Variants in PTK2 observed in about 807,000 individuals in gnomAD.
The protein encoded by PTK2 is protein tyrosine kinase 2.
PTK2 carries 45 observed loss-of-function variants against 150.1 expected under a neutral mutation model. The observed-to-expected ratio is 0.30, with a 90% CI of 0.24 to 0.38. PTK2 has a LOEUF of 0.38. Ranked by LOEUF, PTK2 falls within the 10% of genes least tolerant of loss-of-function variation. The pLI is 1.00. For synonymous variants in PTK2, 432 were observed against 449.2 expected (o/e 0.96, Z 0.48); for missense variants, 919 against 1,307.3 (o/e 0.70, Z 4.58).
intron 12 of PTK2, chr8:140,799,176 G>A (rs988472802): frequency 1.3e-5 from 2 of 152,126 alleles, no homozygotes; most frequent in Admixed American, 1.3e-4. Context: ...TAAATAAAGG[G>A]TCCAATGACT....
At chr8:140,744,042 G>C (rs2100057263) in intron 19 of PTK2, among the ~76,000 whole-genome samples, 1 of 142,034 alleles carries the variant, frequency 7.0e-6, no homozygotes, top group Non-Finnish European at 1.5e-5. Context: ...CTCCCAAAGT[G>C]CTGGGACTAC....
chr8:140,759,044 T>C (rs1666712375), intron 16 of PTK2, among the ~76,000 whole-genome samples: 1 of 152,236 alleles, frequency 6.6e-6, no homozygotes. Flanking sequence ...AGATGTGTAG[T>C]AGGCTAGACC....
At chr8:140,990,022 A>G (rs1245818466) in intron 1 of PTK2, among the ~76,000 whole-genome samples, 1 of 152,154 alleles carries the variant, frequency 6.6e-6, no homozygotes, top group Non-Finnish European at 1.5e-5. Flanking sequence ...GACAGGTTAT[A>G]AGAGCAGAGA....
intron 1 of PTK2, chr8:140,927,280 C>T (rs2100169820): frequency 6.6e-6 from 1 of 152,178 alleles, no homozygotes; most frequent in African/African-American, 2.4e-5. Flanking sequence ...ACACATGCAA[C>T]TTATTTCATC....
At chr8:140,669,301 G>GTGCATATATATA (rs1554641612) in intron 29 of PTK2, 5 of 97,984 alleles carry the variant, frequency 5.1e-5, no homozygotes, top group African/African-American at 2.3e-4. Flanking sequence ...GCATAAAATG[G>GTGCATATATATA]TATATATATA....
At chr8:140,675,463 G>T in exon 28 of PTK2, 1 of 1,612,530 alleles carries the variant, frequency 6.2e-7, no homozygotes, top group South Asian at 1.1e-5. Flanking sequence ...TCTTTACCTG[G>T]TTTACCCACA....
rs928863547 is a variant in PTK2 at position 140,941,999 on chromosome 8, C to T, written c.-121-16250G>A. 5.3e-5 allele frequency among the ~76,000 whole-genome samples: 8 copies of T among 152,118 alleles called. 1 individual carries two copies. The highest frequency in any genetic ancestry group is 3.9e-4 in the Admixed American group (6 of 15,264). On this transcript the variant is annotated intron_variant, in intron 1 of 31. Coordinates refer to ENST00000522684, the Ensembl canonical transcript of PTK2. ...ACCACCCCCAGGTTCAAGCAATTCT[C>T]CCGCCTCAGCCTCCCGAGTAGCTGG... is the stretch of plus-strand genomic sequence containing the variant.
intron 2 of PTK2, among the ~76,000 whole-genome samples, chr8:140,903,526 C>A (rs993097762): frequency 6.6e-6 from 1 of 152,064 alleles, no homozygotes; most frequent in Non-Finnish European, 1.5e-5. Context: ...GTAGTTTTTT[C>A]TAATTCTGTG....
intron 2 of PTK2, among the ~76,000 whole-genome samples, chr8:140,911,712 G>A (rs1445554234): frequency 1.3e-5 from 2 of 149,088 alleles, no homozygotes; most frequent in African/African-American, 2.4e-5. Flanking sequence ...CTACCCCACC[G>A]AAAGGGCTAC....
chr8:140,810,264 T>C (rs2100100642), intron 10 of PTK2, among the ~76,000 whole-genome samples: 1 of 152,190 alleles, frequency 6.6e-6, no homozygotes, highest in Admixed American at 6.5e-5. Flanking sequence ...TGCAGGAGCG[T>C]CTGTAGTGGA....
intron 1 of PTK2, among the ~76,000 whole-genome samples, chr8:140,984,370 C>T (rs1329994335): frequency 6.6e-6 from 1 of 152,122 alleles, no homozygotes; most frequent in Non-Finnish European, 1.5e-5. Context: ...TTGCAACCCA[C>T]ACTTTGAAAA....
intron 14 of PTK2, among the ~76,000 whole-genome samples, chr8:140,766,029 C>T (rs1293244090): frequency 1.3e-5 from 2 of 152,190 alleles, no homozygotes; most frequent in Admixed American, 6.5e-5. Context: ...ATATAAAGCA[C>T]GTGCCTTTAG....
chr8:140,666,404 C>T (rs1465044100), intron 30 of PTK2, among the ~76,000 whole-genome samples: 1 of 150,828 alleles, frequency 6.6e-6, no homozygotes, highest in African/African-American at 2.4e-5. Flanking sequence ...AACTCAACAA[C>T]AAAATACAGT....
At chr8:140,819,016 T>C in exon 9 of PTK2, 1 of 1,611,488 alleles carries the variant, frequency 6.2e-7, no homozygotes. Context: ...TCTTAGTGTT[T>C]TGGCCTGCAT....
At chr8:140,714,327 T>A (rs1419992727) in intron 23 of PTK2, among the ~76,000 whole-genome samples, 1 of 152,142 alleles carries the variant, frequency 6.6e-6, no homozygotes, top group Non-Finnish European at 1.5e-5. Flanking sequence ...ACAAAATTTA[T>A]CTACAGAAGC....
chr8:140,892,537 TC>T, intron 2 of PTK2: 1 of 404,866 alleles, frequency 2.5e-6, no homozygotes, highest in South Asian at 1.8e-5. Context: ...CCCTGTCAAC[TC>T]CCCACTATCT....
intron 26 of PTK2, among the ~76,000 whole-genome samples, chr8:140,689,709 A>G (rs910513847): frequency 1.3e-5 from 2 of 152,228 alleles, no homozygotes; most frequent in Non-Finnish European, 2.9e-5. Context: ...AAATATGCAA[A>G]GCAAATGAGG....
chr8:140,877,426 C>G (rs1422656450), intron 4 of PTK2, among the ~76,000 whole-genome samples: 1 of 152,122 alleles, frequency 6.6e-6, no homozygotes, highest in African/African-American at 2.4e-5. Flanking sequence ...ATTTTTAAAA[C>G]CTGTACTATG....
At chr8:140,890,323 A>G (rs2154607382) in intron 3 of PTK2, 1 of 462,952 alleles carries the variant, frequency 2.2e-6, no homozygotes, top group East Asian at 3.5e-5. Flanking sequence ...TATGACTAAA[A>G]TATGATTCAG....
Sources: gnomAD v4.1 joint callset for allele counts (sites outside exome capture counted in the v4.1 genomes callset) on GRCh38, gnomAD v4.1.1 for gene constraint, MANE v1.5 for transcripts, NCBI Gene and HGNC (gene_info 2026-07-23, HGNC 2026-07-21) for gene names.